The following IQCM variants were observed in gnomAD, a reference collection of about 807,000 sequenced individuals.
The protein encoded by IQCM is IQ motif containing M, also known as IQ domain-containing protein M.
Under a neutral mutation model 57.6 loss-of-function variants are expected in IQCM, and 45 were observed. That is an observed-to-expected ratio of 0.78 (90% CI 0.62 to 1.00). IQCM has a LOEUF of 1.00. Ranked by LOEUF, IQCM falls within the 50% of genes least tolerant of loss-of-function variation. The pLI is 0.00. For synonymous variants in IQCM, 148 were observed against 158.9 expected, an observed-to-expected ratio of 0.93 and a Z score of 0.51; for missense variants, 468 against 511.6, an observed-to-expected ratio of 0.91 and a Z score of 0.82.
intron 13 of IQCM, among the ~76,000 whole-genome samples, chr4:149,354,546 T>A (rs1728823073): frequency 6.6e-6 from 1 of 151,814 alleles, no homozygotes; most frequent in Admixed American, 6.6e-5. Context: ...TGAAATGAGA[T>A]CTCAGGATTA....
intron 2 of IQCM, among the ~76,000 whole-genome samples, chr4:149,805,523 T>C (rs1372368826): frequency 1.3e-5 from 2 of 152,038 alleles, no homozygotes; most frequent in Non-Finnish European, 1.5e-5. Context: ...AAATTTAACA[T>C]GTAGCTGCAG....
intron 5 of IQCM, among the ~76,000 whole-genome samples, chr4:149,732,685 A>C (rs1283709764): frequency 1.3e-5 from 2 of 152,184 alleles, no homozygotes; most frequent in Non-Finnish European, 2.9e-5. Context: ...TGTGAAAGCT[A>C]TACTAGAAAT....
intron 5 of IQCM, among the ~76,000 whole-genome samples, chr4:149,696,389 A>G (rs796917027): frequency 1.3e-5 from 2 of 152,214 alleles, no homozygotes; most frequent in African/African-American, 4.8e-5. Flanking sequence ...TCCCTCTTCT[A>G]TCAGACCTCC....
chr4:149,705,891 C>T (rs1162481025), intron 5 of IQCM, among the ~76,000 whole-genome samples: 1 of 151,010 alleles, frequency 6.6e-6, no homozygotes, highest in African/African-American at 2.4e-5. Flanking sequence ...TTAGTTTTGA[C>T]TTCCCAACTG....
At chr4:149,726,553 A>AT (rs1420559403) in intron 5 of IQCM, among the ~76,000 whole-genome samples, 1 of 151,662 alleles carries the variant, frequency 6.6e-6, no homozygotes, top group East Asian at 1.9e-4. Context: ...CAGTTCTTGG[A>AT]TTTTTTTTCT....
intron 9 of IQCM, among the ~76,000 whole-genome samples, chr4:149,585,606 C>T (rs1752581742): frequency 6.6e-6 from 1 of 151,262 alleles, no homozygotes; most frequent in African/African-American, 2.4e-5. Flanking sequence ...GATTCTATGC[C>T]AGTAATATTT....
At chr4:149,750,635 C>T (rs1768346668) in intron 2 of IQCM, among the ~76,000 whole-genome samples, 1 of 152,158 alleles carries the variant, frequency 6.6e-6, no homozygotes, top group South Asian at 2.1e-4. Context: ...GTGATTTTCA[C>T]AGATTAAAAC....
intron 12 of IQCM, among the ~76,000 whole-genome samples, chr4:149,480,262 C>T (rs1308990409): frequency 6.6e-6 from 1 of 152,064 alleles, no homozygotes; most frequent in Non-Finnish European, 1.5e-5. Context: ...GCATAATAAA[C>T]AATCCAATTA....
At chr4:149,698,984 A>C (rs1050206513) in intron 5 of IQCM, among the ~76,000 whole-genome samples, 4 of 152,130 alleles carry the variant, frequency 2.6e-5, no homozygotes, top group African/African-American at 9.7e-5. Context: ...GTAAGTACTC[A>C]ATAAAATTAG....
intron 11 of IQCM, among the ~76,000 whole-genome samples, chr4:149,552,133 T>C (rs780140411): frequency 2.7e-4 from 41 of 152,208 alleles, no homozygotes; most frequent in Non-Finnish European, 5.0e-4. Flanking sequence ...GTTCTGGTTA[T>C]CTGCAAATAG....
At chr4:149,601,867 G>A (rs1042178755) in intron 8 of IQCM, among the ~76,000 whole-genome samples, 2 of 151,632 alleles carry the variant, frequency 1.3e-5, no homozygotes. Flanking sequence ...TGGCTAACAC[G>A]GTGAAACCCC....
At chr4:149,649,838 C>T (rs1458619031) in intron 7 of IQCM, among the ~76,000 whole-genome samples, 1 of 152,170 alleles carries the variant, frequency 6.6e-6, no homozygotes, top group African/African-American at 2.4e-5. Flanking sequence ...GGTCTCCAAA[C>T]ATCTTTTACC....
intron 8 of IQCM, among the ~76,000 whole-genome samples, chr4:149,599,845 T>C (rs1423285000): frequency 6.6e-6 from 1 of 152,184 alleles, no homozygotes; most frequent in African/African-American, 2.4e-5. Flanking sequence ...TAATACTTGT[T>C]ACTAATTTTT....
At chr4:149,439,728 G>A (rs1195614989) in intron 12 of IQCM, among the ~76,000 whole-genome samples, 4 of 151,952 alleles carry the variant, frequency 2.6e-5, no homozygotes, top group African/African-American at 9.7e-5. Flanking sequence ...ACTTTGCTCT[G>A]ACTAAAGACA....
At chr4:149,362,770 G>A (rs537087963) in intron 13 of IQCM, among the ~76,000 whole-genome samples, 5 of 152,310 alleles carry the variant, frequency 3.3e-5, no homozygotes, top group Middle Eastern at 3.4e-3. Flanking sequence ...TTGAACTTAC[G>A]TTTTGTGTAC....
At chr4:149,727,704 C>A (rs1267145915) in intron 5 of IQCM, among the ~76,000 whole-genome samples, 1 of 152,082 alleles carries the variant, frequency 6.6e-6, no homozygotes, top group African/African-American at 2.4e-5. Flanking sequence ...GTTTATGTGT[C>A]AGCTGAAGCT....
intron 8 of IQCM, among the ~76,000 whole-genome samples, chr4:149,594,087 C>T (rs929456273): frequency 8.6e-5 from 13 of 151,934 alleles, no homozygotes; most frequent in African/African-American, 2.4e-4. Context: ...CATCCGGTCC[C>T]GGACTATTTT....
intron 2 of IQCM, among the ~76,000 whole-genome samples, chr4:149,769,698 A>G (rs1349989099): frequency 6.6e-6 from 1 of 152,100 alleles, no homozygotes; most frequent in Non-Finnish European, 1.5e-5. Context: ...AAAACTTCAT[A>G]ATAATAAAGG....
chr4:149,632,062 T>A (rs2150095569), intron 7 of IQCM, among the ~76,000 whole-genome samples: 1 of 152,324 alleles, frequency 6.6e-6, no homozygotes, highest in South Asian at 2.1e-4. Flanking sequence ...GCAGGCCATG[T>A]TAGCTGAGAG....
Sources: gnomAD v4.1 joint callset for allele counts (sites outside exome capture counted in the v4.1 genomes callset) on GRCh38, gnomAD v4.1.1 for gene constraint, MANE v1.5 for transcripts, NCBI Gene and HGNC (gene_info 2026-07-23, HGNC 2026-07-21) for gene names.